Variants in FAM171A1 observed in about 807,000 individuals in gnomAD.
FAM171A1 encodes the protein family with sequence similarity 171 member A1.
Under a neutral mutation model 74.9 loss-of-function variants are expected in FAM171A1, and 23 were observed. The ratio of observed to expected loss-of-function variants is 0.31; its 90% CI spans 0.22 to 0.44. FAM171A1 has a LOEUF of 0.44. Ranked by LOEUF, FAM171A1 falls within the 20% of genes least tolerant of loss-of-function variation. FAM171A1 has a pLI of 1.00. For missense variants in FAM171A1, 1,162 were observed against 1,159.2 expected (o/e 1.00, Z -0.03); for synonymous variants, 527 against 505.7 (o/e 1.04, Z -0.57).
chr10:15,220,531 GC>G lies in FAM171A1; in HGVS notation c.871+412del, dbSNP rs796135026. On this transcript the variant is annotated intron_variant, in intron 6 of 7. Transcript: ENST00000378116. Reference sequence around the variant, plus strand: ...TTTACGTTTAAGCCATTTTGGAAATGCCCCACCAGGCTTTTTGCCCCCAGTG... The same window carrying G: ...TTTACGTTTAAGCCATTTTGGAAATGCCCACCAGGCTTTTTGCCCCCAGTG... 4.0e-4 allele frequency among the ~76,000 whole-genome samples: 61 copies of G among 152,258 alleles called. 1 individual carries two copies. Among genetic ancestry groups the G allele is most frequent in the African/African-American group, 1.4e-3 (57 of 41,554 alleles).
In FAM171A1 at chr10:15,213,114, C is replaced by T; in HGVS notation, c.2474G>A (p.Gly825Asp). 1 of 1,613,834 alleles carries T rather than the reference C, an allele frequency of 6.2e-7. No individual in the cohort carries two copies. Among genetic ancestry groups the T allele is most frequent in the Non-Finnish European group, 8.5e-7 (1 of 1,179,856 alleles). ...CLLEGSSRRS[G>D]GQLPSLQEET... ...CTCCTGCAGGCTGGGCAGCTGGCCACCACTTCTCCGACTCGACCCCTCCAA... is the reference window on the plus strand; with the variant it reads ...CTCCTGCAGGCTGGGCAGCTGGCCATCACTTCTCCGACTCGACCCCTCCAA... Residue 825 changes from glycine (G) to aspartate (D), a missense_variant, in exon 8 of 8, where the codon GGT becomes GAT. Physicochemically the swap from Gly to Asp is moderately conservative, Grantham distance 94 (BLOSUM62 -1). Coordinates refer to ENST00000378116, the MANE Select transcript of FAM171A1 (RefSeq NM_001010924.2). The surrounding 1 kb of genome is among the most constrained non-coding windows in gnomAD (Gnocchi z 6.8).
intron 1 of FAM171A1, among the ~76,000 whole-genome samples, chr10:15,300,880 C>T (rs1037005993): frequency 3.9e-5 from 6 of 152,082 alleles, no homozygotes; most frequent in African/African-American, 9.7e-5. Context: ...TATAATTAGC[C>T]GATTGTTTCC....
intron 1 of FAM171A1, among the ~76,000 whole-genome samples, chr10:15,297,055 C>A (rs1346296446): frequency 1.3e-5 from 2 of 151,406 alleles, no homozygotes; most frequent in Non-Finnish European, 2.9e-5. Context: ...TGTATTAGAG[C>A]TTTTTTTCTT....
intron 1 of FAM171A1, among the ~76,000 whole-genome samples, chr10:15,370,596 C>A (rs919282684): frequency 1.3e-5 from 2 of 151,946 alleles, no homozygotes; most frequent in African/African-American, 4.8e-5. Flanking sequence ...CCCCTCTGTC[C>A]GCGGCGACAT....
intron 1 of FAM171A1, among the ~76,000 whole-genome samples, chr10:15,294,818 A>C (rs45486796): frequency 0.078 from 11,833 of 152,268 alleles, 501 homozygotes; most frequent in Middle Eastern, 0.11. Flanking sequence ...AGGGTGCATA[A>C]TTTACAGGCA....
At chr10:15,308,550 G>C (rs1052193317) in intron 1 of FAM171A1, among the ~76,000 whole-genome samples, 1 of 151,900 alleles carries the variant, frequency 6.6e-6, no homozygotes, top group Admixed American at 6.6e-5. Context: ...TGAAACCTCC[G>C]CCTACCGGGT....
chr10:15,284,652 C>T (rs750991447), intron 1 of FAM171A1, among the ~76,000 whole-genome samples: 2 of 152,124 alleles, frequency 1.3e-5, no homozygotes, highest in Non-Finnish European at 2.9e-5. Flanking sequence ...GAGGCTCAAG[C>T]GATCTGCCCG....
At chr10:15,359,960 G>T (rs544035981) in intron 1 of FAM171A1, among the ~76,000 whole-genome samples, 2 of 152,240 alleles carry the variant, frequency 1.3e-5, no homozygotes, top group South Asian at 4.1e-4. Flanking sequence ...TTTGAGACAG[G>T]GTCTTGTTCT....
chr10:15,213,334 C>A lies in FAM171A1; in HGVS notation c.2254G>T (p.Ala752Ser). 1.9e-6 allele frequency: 3 copies of A among 1,614,168 alleles called. No individual in the cohort carries two copies. The South Asian group carries it at 3.3e-5, about 18-fold the overall frequency. ...SGVDMNEPKS[A>S]RKGRGDALSL... ...AAAGCATCTCCCCTTCCCTTCCGGG[C>A]TGATTTTGGTTCATTCATATCTACG... Residue 752 changes from alanine (A) to serine (S), a missense_variant, in exon 8 of 8, where the codon GCC becomes TCC. By Grantham distance (99) the Ala-to-Ser change is moderately conservative (BLOSUM62 1). Coordinates refer to ENST00000378116, the MANE Select transcript of FAM171A1 (RefSeq NM_001010924.2). This position sits in a 1 kb window ranked among gnomAD's most constrained non-coding sequence, Gnocchi z 6.8.
intron 3 of FAM171A1, among the ~76,000 whole-genome samples, chr10:15,262,329 G>A (rs186355752): frequency 6.6e-6 from 1 of 152,292 alleles, no homozygotes; most frequent in East Asian, 1.9e-4. Context: ...TCCAAATAAA[G>A]ACAGCAGCTC....
Position 15,216,007 on chromosome 10 carries a change from TA to T in FAM171A1, c.974del (p.Leu325TyrfsTer9). 1 of 1,600,690 alleles carries T rather than the reference TA, an allele frequency of 6.2e-7. No individual in the cohort carries two copies. Among genetic ancestry groups the T allele is most frequent in the Admixed American group, 1.8e-5 (1 of 56,148 alleles). Reference sequence around the variant, plus strand: ...TGGTAACACTTTACCTGCAATAATATAAAAGGAGACACAGCAAAACCAAAAG... The same window carrying T: ...TGGTAACACTTTACCTGCAATAATATAAAGGAGACACAGCAAAACCAAAAG... ...FILLVLLCLL[L>X]YYCRRKCLKP... On this transcript the variant is annotated frameshift_variant, in exon 7 of 8. Transcript: ENST00000378116. LOFTEE classifies it high-confidence loss of function.
intron 1 of FAM171A1, among the ~76,000 whole-genome samples, chr10:15,291,144 C>T (rs1033920971): frequency 6.6e-6 from 1 of 152,206 alleles, no homozygotes; most frequent in African/African-American, 2.4e-5. Context: ...GCCACCACGT[C>T]CGGCCATACC....
At chr10:15,214,654 A>G in intron 7 of FAM171A1, 53 bp from the exon 8 acceptor site, 1 of 1,500,248 alleles carries the variant, frequency 6.7e-7, no homozygotes, top group Middle Eastern at 1.8e-4. Context: ...TCACAATGAA[A>G]AAGTTTCAAG....
At chr10:15,369,733 T>C (rs562779516) in intron 1 of FAM171A1, among the ~76,000 whole-genome samples, 2 of 152,352 alleles carry the variant, frequency 1.3e-5, no homozygotes, top group South Asian at 2.1e-4. Flanking sequence ...CGGGCGTCTC[T>C]GCTCCCAGGC....
chr10:15,254,177 C>A (rs111718526), intron 4 of FAM171A1, among the ~76,000 whole-genome samples: 73 of 152,250 alleles, frequency 4.8e-4, no homozygotes, highest in African/African-American at 1.7e-3. Flanking sequence ...AGGGCGGAGG[C>A]TCCCCATCCT....
chr10:15,215,797 G>A (rs534839387), intron 7 of FAM171A1, among the ~76,000 whole-genome samples, 199 bp downstream of exon 7: 6 of 151,950 alleles, frequency 3.9e-5, no homozygotes, highest in African/African-American at 1.2e-4. Context: ...TGTTATCCAC[G>A]CAGCATGCTT....
At chr10:15,312,261 C>T (rs1222090502) in intron 1 of FAM171A1, among the ~76,000 whole-genome samples, 2 of 152,052 alleles carry the variant, frequency 1.3e-5, no homozygotes, top group Non-Finnish European at 2.9e-5. Context: ...GCTTCATAAA[C>T]AAAGCAGCAA....
At chr10:15,245,571 G>A (rs1304195875) in intron 5 of FAM171A1, among the ~76,000 whole-genome samples, 1 of 152,310 alleles carries the variant, frequency 6.6e-6, no homozygotes, top group East Asian at 1.9e-4. Flanking sequence ...ACAACAGTGG[G>A]TACTATTATT....
At chr10:15,284,157 T>C (rs1190877917) in intron 1 of FAM171A1, 52 bp from the exon 2 acceptor site, 4 of 1,534,944 alleles carry the variant, frequency 2.6e-6, no homozygotes, top group Non-Finnish European at 3.6e-6. Context: ...GAAACATTCA[T>C]AGCAACTCTG....
Sources: allele counts gnomAD v4.1 joint callset (sites outside exome capture counted in the v4.1 genomes callset), GRCh38; gene constraint gnomAD v4.1.1; non-coding constraint Gnocchi (gnomAD v3.1); transcripts MANE v1.5; gene names NCBI Gene and HGNC (gene_info 2026-07-23, HGNC 2026-07-21).